The following MUC6 variants were observed in gnomAD, a reference collection of about 807,000 sequenced individuals.
MUC6 encodes mucin 6, oligomeric mucus/gel-forming (gene/pseudogene).
In MUC6, 188 loss-of-function variants were observed where a neutral mutation model predicts 201.5. That is an observed-to-expected ratio of 0.93 (90% CI 0.83 to 1.05). MUC6 has a LOEUF of 1.05. Ranked by LOEUF, MUC6 falls within the 50% of genes least tolerant of loss-of-function variation. The pLI is 0.00. For missense variants in MUC6, 2,706 were observed against 3,256.9 expected, an observed-to-expected ratio of 0.83 and a Z score of 4.12; for synonymous variants, 1,228 against 1,389.4, an observed-to-expected ratio of 0.88 and a Z score of 2.58.
intron 26 of MUC6, among the ~76,000 whole-genome samples, chr11:1,022,200 C>T (rs1856829144): frequency 6.7e-6 from 1 of 148,548 alleles, no homozygotes; most frequent in Non-Finnish European, 1.5e-5. Context: ...CCCTCACTCA[C>T]TCCCTCTGCC....
At chr11:1,023,126 AGT>A (rs985778974) in intron 26 of MUC6, among the ~76,000 whole-genome samples, 22 of 148,564 alleles carry the variant, frequency 1.5e-4, no homozygotes, top group East Asian at 4.0e-4. Context: ...AATGTGCATG[AGT>A]GTGCGTGAAT....
intron 1 of MUC6, among the ~76,000 whole-genome samples, chr11:1,036,045 G>C (rs1246511675): frequency 1.3e-5 from 2 of 152,068 alleles, no homozygotes; most frequent in African/African-American, 4.8e-5. Context: ...AGGGGAGCGC[G>C]GGGGAGAGGG....
rs1167625369 is a variant in MUC6, at chr11:1,031,162, C to T, written c.574+7G>A. The T allele has an allele frequency of 1.9e-6, 3 of 1,550,124 alleles. No homozygotes were observed. The highest frequency in any genetic ancestry group is 2.6e-6 in the Non-Finnish European group (3 of 1,147,996). ...CCCAGAGGCCCCCCAGCCCTGCCCC[C>T]ACCTACCCTCCTCACTGACAAACTC... On this transcript the variant is annotated splice_region_variant and intron_variant, in intron 5 of 32. Coordinates refer to ENST00000421673, the MANE Select transcript of MUC6 (RefSeq NM_005961.3).
rs769561663 is a variant in MUC6 at position 1,026,120 on chromosome 11, C to G, written c.2568G>C (p.Trp856Cys). Residue 856 changes from tryptophan (W) to cysteine (C), a missense_variant, in exon 21 of 33, where the codon TGG (tryptophan) becomes TGC (cysteine). Physicochemically the swap from Trp to Cys is radical, Grantham distance 215. This residue lies in a region of MUC6 where 1,850 missense variants were observed against 1,958.3 expected (regional missense o/e 0.94). Transcript: ENST00000421673. ...CRTCSCSRGR[W>C]ACQQGTHCPS... is the part of the protein sequence containing the mutation. ...GGCAGTGGGTGCCCTGCTGACAGGC[C>G]CACCTCCCCCTTGAGCAGGAGCTGT... is the stretch of plus-strand genomic sequence containing the variant. 3.8e-6 allele frequency: 6 copies of G among 1,598,338 alleles called. No homozygotes were observed. Among genetic ancestry groups the G allele is most frequent in the Non-Finnish European group, 5.1e-6 (6 of 1,173,584 alleles).
Position 1,029,634 on chromosome 11 carries a change from T to C in MUC6, c.1016-19A>G, listed in dbSNP as rs1170820317. On this transcript the variant is annotated intron_variant, in intron 8 of 32. Coordinates refer to ENST00000421673, the MANE Select transcript of MUC6 (RefSeq NM_005961.3). ...ACCGTACCTGCAGGAGAGGGTCTTC[T>C]TGGGGCTTGGGTGGGACTGACTGCC... 1.3e-6 allele frequency: 2 copies of C among 1,554,884 alleles called. No homozygotes were observed. The highest frequency in any genetic ancestry group is 1.8e-5 in the Admixed American group (1 of 54,870).
chr11:1,027,177 G>T lies in MUC6; in HGVS notation c.2248C>A (p.Arg750=), dbSNP rs142554154. ...NGITCHCING[R]LSCPQRPQMF... is the part of the protein sequence containing the mutation. The stretch of plus-strand genomic sequence containing the variant: ...TGTGGCCGCTGCGGGCAACTCAGCC[G>T]CCCGTTGATGCAGTGGCTGCAAGAG... Residue 750 remains arginine (R), a synonymous_variant, in exon 18 of 33, where the codon CGG becomes AGG. Coordinates refer to ENST00000421673, the MANE Select transcript of MUC6 (RefSeq NM_005961.3). 3 of 1,612,500 alleles carry T rather than the reference G, an allele frequency of 1.9e-6. No individual in the cohort carries two copies. Among genetic ancestry groups the T allele is most frequent in the Non-Finnish European group, 2.5e-6 (3 of 1,179,808 alleles).
At chr11:1,023,470 C>T in intron 26 of MUC6, 39 bp downstream of exon 26, 3 of 1,547,562 alleles carry the variant, frequency 1.9e-6, no homozygotes, top group African/African-American at 1.4e-5. Context: ...GTGAATGGGT[C>T]CCCCTGTGTA....
chr11:1,016,443 G>C lies in MUC6; in HGVS notation c.6358C>G (p.Pro2120Ala). 1.2e-6 allele frequency: 2 copies of C among 1,613,948 alleles called. No individual in the cohort carries two copies. The highest frequency in any genetic ancestry group is 1.7e-6 in the Non-Finnish European group (2 of 1,179,888). Residue 2120 changes from proline to alanine, a missense_variant, in exon 31 of 33, where the codon CCT (proline) becomes GCT (alanine). Transcript: ENST00000421673. ...QLPHLSSATT[P>A]VSTTNQLSSS... The stretch of plus-strand genomic sequence containing the variant: ...GACAGCTGATTAGTTGTGGAAACAG[G>C]AGTGGTTGCAGAACTCAAGTGGGGG...
rs778803621 is a variant in MUC6 at position 1,025,289 on chromosome 11, C to T, written c.2878G>A (p.Gly960Ser). 3.7e-6 allele frequency: 6 copies of T among 1,612,626 alleles called. No homozygotes were observed. The highest frequency in any genetic ancestry group is 1.3e-5 in the African/African-American group (1 of 74,938). The change falls in exon 23 of 33, where the codon GGT becomes AGT. Residue 960 changes from glycine to serine, a missense_variant. Gly to Ser is a moderately conservative substitution (Grantham distance 56). Transcript: ENST00000421673. ...EPHVQLGVTP[G>S]ALSLVVDISI... ...ATGTCCACGACAAGGCTCAGCGCAC[C>T]CGGCGTCACCCCGAGCTGCACGTGG... is the stretch of plus-strand genomic sequence containing the variant.
chr11:1,013,798 G>T, intron 32 of MUC6, 101 bp downstream of exon 32: 1 of 1,410,706 alleles, frequency 7.1e-7, no homozygotes, highest in Non-Finnish European at 9.7e-7. Context: ...TGGCTCACCT[G>T]ATGGGGCAGC....
intron 24 of MUC6, 103 bp from the exon 25 acceptor site, chr11:1,024,206 G>C: frequency 7.4e-7 from 1 of 1,359,624 alleles, no homozygotes; most frequent in Non-Finnish European, 1.0e-6. Flanking sequence ...GGAGTGTGGC[G>C]GTAAGGGCGC....
intron 9 of MUC6, 23 bp downstream of exon 9, chr11:1,029,472 G>GC (rs1188035922): frequency 3.1e-6 from 5 of 1,610,590 alleles, no homozygotes; most frequent in Non-Finnish European, 4.2e-6. Context: ...GCCGGCCAGA[G>GC]CCCCCTCCGG....
chr11:1,027,345 C>G lies in MUC6; in HGVS notation c.2154G>C (p.Lys718Asn), dbSNP rs745341204. The change falls in exon 17 of 33, where the codon AAG becomes AAC. Residue 718 changes from lysine to asparagine, a missense_variant. Physicochemically the swap from Lys to Asn is moderately conservative, Grantham distance 94 (BLOSUM62 0). Coordinates refer to ENST00000421673, the MANE Select transcript of MUC6 (RefSeq NM_005961.3). ...CCTCCAGTATGCACGGGCACTGGGCCTTGCGCACACACTCGCCCTTTTGGT... is the reference window on the plus strand; with the variant it reads ...CCTCCAGTATGCACGGGCACTGGGCGTTGCGCACACACTCGCCCTTTTGGT... ...YLNQKGECVR[K>N]AQCPCILEGY... 1.9e-6 allele frequency: 3 copies of G among 1,613,034 alleles called. No homozygotes were observed. In the South Asian group the frequency reaches 3.3e-5, roughly 18 times the overall value.
Position 1,019,421 on chromosome 11 carries a change from G to C in MUC6, c.3884C>G (p.Thr1295Arg). ...CTGGGTCACTGTGGGTTTTGTGGCT[G>C]TCGATCTCAGTGTGGCTGTGGGAGG... ...GLPPTATLRS[T>R]ATKPTVTQAT... Residue 1295 changes from threonine (T) to arginine (R), a missense_variant, in exon 30 of 33, where the codon ACA (threonine) becomes AGA (arginine). By Grantham distance (71) the Thr-to-Arg change is moderately conservative (BLOSUM62 -1). Around this residue, in one of 10 missense-constraint regions of MUC6, gnomAD observed 1,850 missense variants for 1,958.3 expected, o/e 0.94. Coordinates refer to ENST00000421673, the MANE Select transcript of MUC6 (RefSeq NM_005961.3). 6.2e-7 allele frequency: 1 copy of C among 1,613,940 alleles called. No homozygotes were observed. The highest frequency in any genetic ancestry group is 1.1e-5 in the South Asian group (1 of 91,066).
At chr11:1,034,316 C>T (rs1857171041) in intron 1 of MUC6, among the ~76,000 whole-genome samples, 1 of 152,200 alleles carries the variant, frequency 6.6e-6, no homozygotes, top group Admixed American at 6.5e-5. Flanking sequence ...CTGGCTTATC[C>T]CCAGTGTAAG....
Position 1,018,335 on chromosome 11 carries a change from G to C in MUC6, c.4466C>G (p.Thr1489Arg). The C allele has an allele frequency of 6.2e-7, 1 of 1,613,864 alleles. No homozygotes were observed. The highest frequency in any genetic ancestry group is 8.5e-7 in the Non-Finnish European group (1 of 1,179,792). ...APTGTIPPPT[T>R]LKATGSTHTA... The stretch of plus-strand genomic sequence containing the variant: ...GTGGGTGGACCCTGTGGCCTTGAGC[G>C]TTGTTGGTGGAGGAATGGTACCTGT... Residue 1489 changes from threonine (T) to arginine (R), a missense_variant, in exon 31 of 33, where the codon ACG becomes AGG. Physicochemically the swap from Thr to Arg is moderately conservative, Grantham distance 71 (BLOSUM62 -1). Around this residue, in one of 10 missense-constraint regions of MUC6, gnomAD observed 128 missense variants for 206.5 expected, o/e 0.62. Transcript: ENST00000421673.
At position 1,018,724 on chromosome 11, in the gene MUC6, C is replaced by G; in HGVS notation, c.4077G>C (p.Thr1359=). 2 of 1,586,208 alleles carry G rather than the reference C, an allele frequency of 1.3e-6. No individual in the cohort carries two copies. Among genetic ancestry groups the G allele is most frequent in the Non-Finnish European group, 1.7e-6 (2 of 1,168,326 alleles). Residue 1359 remains threonine, a synonymous_variant, in exon 31 of 33, where the codon ACG becomes ACC. Transcript: ENST00000421673. ...TTGCTGGGGTTGGACGTGGGCCTGTCGTCTGGGTGGCCGTTGTTCCTGGCA... is the reference window on the plus strand; with the variant it reads ...TTGCTGGGGTTGGACGTGGGCCTGTGGTCTGGGTGGCCGTTGTTCCTGGCA... ...QELPGTTATQ[T]TGPRPTPAST...
chr11:1,034,459 C>CCA (rs1322167354), intron 1 of MUC6, among the ~76,000 whole-genome samples: 1 of 152,234 alleles, frequency 6.6e-6, no homozygotes, highest in Non-Finnish European at 1.5e-5. Flanking sequence ...GCCATTCCTT[C>CCA]CAGGGATGAT....
At chr11:1,015,718 C>T in intron 31 of MUC6, 44 bp downstream of exon 31, 2 of 1,512,870 alleles carry the variant, frequency 1.3e-6, no homozygotes, top group Non-Finnish European at 1.8e-6. Context: ...GAGTCATGAG[C>T]ACAGAGGTGA....
Sources: allele counts gnomAD v4.1 joint callset (sites outside exome capture counted in the v4.1 genomes callset), GRCh38; gene constraint gnomAD v4.1.1; regional missense constraint gnomAD v4.1.1; transcripts MANE v1.5; gene names NCBI Gene and HGNC (gene_info 2026-07-23, HGNC 2026-07-21).